Variants in PCDHGA10 observed in about 807,000 individuals in gnomAD.
PCDHGA10 encodes the protein protocadherin gamma subfamily A, 10, also known as protocadherin gamma-A10.
In PCDHGA10, 42 loss-of-function variants were observed where a neutral mutation model predicts 59.5. The ratio of observed to expected loss-of-function variants is 0.71; its 90% CI spans 0.55 to 0.91. The LOEUF (loss-of-function observed/expected upper bound fraction) is 0.91, where lower values mean the gene tolerates loss of function less well. PCDHGA10 is among the 40% of genes least tolerant of loss of function. The pLI is 0.00. For missense variants in PCDHGA10, 1,111 were observed against 1,198.2 expected, an observed-to-expected ratio of 0.93 and a Z score of 1.07; for synonymous variants, 511 against 517.2, an observed-to-expected ratio of 0.99 and a Z score of 0.16.
At chr5:141,473,205 A>G (rs370808895) in intron 1 of PCDHGA10, among the ~76,000 whole-genome samples, 1 of 152,036 alleles carries the variant, frequency 6.6e-6, no homozygotes, top group African/African-American at 2.4e-5. Flanking sequence ...CTTCTAAAAA[A>G]TGCTTACTTC....
At position 141,414,657 on chromosome 5, in the gene PCDHGA10, C is replaced by T. The variant is rs1313928067; in HGVS notation, c.1482C>T (p.Ser494=). Residue 494 remains serine, a synonymous_variant, in exon 1 of 4, where the codon TCC becomes TCT. Transcript: ENST00000398610. ...AAGAGAATGCCCAGATTATTTACTCCCTGGCTGAAGACACCATCCAGGGGG... is the reference window on the plus strand; with the variant it reads ...AAGAGAATGCCCAGATTATTTACTCTCTGGCTGAAGACACCATCCAGGGGG... ...DSKENAQIIY[S]LAEDTIQGVP... 6.2e-7 allele frequency: 1 copy of T among 1,614,004 alleles called. No homozygotes were observed. Among genetic ancestry groups the T allele is most frequent in the Admixed American group, 1.7e-5 (1 of 60,034 alleles).
In PCDHGA10 at chr5:141,476,299, C is replaced by T; in HGVS notation, c.2437-18508C>T. ...ACCTTGGTTTGGATCTCGGTAGCCT[C>T]TCAGCCCGCAGGTTCCGGGTGGTGT... On this transcript the variant is annotated intron_variant, in intron 1 of 3. Transcript: ENST00000398610. The surrounding 1 kb of genome is among the most constrained non-coding windows in gnomAD (Gnocchi z 7.6). The T allele has an allele frequency of 6.2e-7, 1 of 1,614,100 alleles. No individual in the cohort carries two copies. The highest frequency in any genetic ancestry group is 1.1e-5 in the South Asian group (1 of 91,074).
chr5:141,468,093 G>C (rs1319825848), intron 1 of PCDHGA10, among the ~76,000 whole-genome samples: 2 of 152,112 alleles, frequency 1.3e-5, no homozygotes, highest in Non-Finnish European at 2.9e-5. Flanking sequence ...GGGAGGTTGA[G>C]GCAGGCAGAT....
At chr5:141,462,071 C>T (rs1473972601) in intron 1 of PCDHGA10, among the ~76,000 whole-genome samples, 1 of 152,214 alleles carries the variant, frequency 6.6e-6, no homozygotes, top group African/African-American at 2.4e-5. Context: ...GATCTGCCCG[C>T]CTTGGCCTCC....
chr5:141,421,795 GC>G, intron 1 of PCDHGA10: 1 of 1,613,818 alleles, frequency 6.2e-7, no homozygotes, highest in East Asian at 2.2e-5. Context: ...AACGGATGGG[GC>G]CAAGAATCCA....
rs138149681 is a variant in PCDHGA10, at chr5:141,486,735, G to A, written c.2437-8072G>A. Reference sequence around the variant, plus strand: ...CAGACAGGAGCTGTTCATGCTACTCGATCCTTTGACTATGAGCAAACCCAG... The same window carrying A: ...CAGACAGGAGCTGTTCATGCTACTCAATCCTTTGACTATGAGCAAACCCAG... On this transcript the variant is annotated intron_variant, in intron 1 of 3. Transcript: ENST00000398610. The surrounding 1 kb of genome is among the most constrained non-coding windows in gnomAD (Gnocchi z 5.0). 3.1e-4 allele frequency: 502 copies of A among 1,614,174 alleles called. 1 individual carries two copies. Among genetic ancestry groups the A allele is most frequent in the South Asian group, 1.8e-3 (161 of 91,086 alleles).
At chr5:141,427,897 C>T (rs866283444) in intron 1 of PCDHGA10, 1 of 1,571,008 alleles carries the variant, frequency 6.4e-7, no homozygotes. Context: ...CAGGGCTCGC[C>T]CGCGCTCAGC....
chr5:141,486,909 C>T lies in PCDHGA10; in HGVS notation c.2437-7898C>T, dbSNP rs759702188. ...CGGCCTGGTTCCTTATGTCCCCAAGCACTGCCTCCATCAGTTGGTGCTGGC... is the reference window on the plus strand; with the variant it reads ...CGGCCTGGTTCCTTATGTCCCCAAGTACTGCCTCCATCAGTTGGTGCTGGC... On this transcript the variant is annotated intron_variant, in intron 1 of 3. Transcript: ENST00000398610. This position sits in a 1 kb window ranked among gnomAD's most constrained non-coding sequence, Gnocchi z 5.0. 2 of 1,614,262 alleles carry T rather than the reference C, an allele frequency of 1.2e-6. No homozygotes were observed. Among genetic ancestry groups the T allele is most frequent in the Non-Finnish European group, 1.7e-6 (2 of 1,180,054 alleles).
chr5:141,432,463 C>A lies in PCDHGA10; in HGVS notation c.2436+16852C>A, dbSNP rs781407406. On this transcript the variant is annotated intron_variant, in intron 1 of 3. Transcript: ENST00000398610. The surrounding 1 kb of genome is among the most constrained non-coding windows in gnomAD (Gnocchi z 6.0). Reference sequence around the variant, plus strand: ...CCGAGATCCTGTACCCCGCCCTCCCCACGGACGGTTCCACTGGCGTGGAGC... The same window carrying A: ...CCGAGATCCTGTACCCCGCCCTCCCAACGGACGGTTCCACTGGCGTGGAGC... The A allele has an allele frequency of 5.6e-6, 9 of 1,614,120 alleles. No homozygotes were observed. In the Admixed American group the frequency reaches 1.3e-4, roughly 24 times the overall value.
intron 1 of PCDHGA10, among the ~76,000 whole-genome samples, chr5:141,481,692 G>A (rs1231630072): frequency 3.3e-5 from 5 of 152,020 alleles, no homozygotes; most frequent in East Asian, 1.9e-4. Context: ...GGTGGCTCAC[G>A]CCTGTAATCC....
At position 141,492,138 on chromosome 5, in the gene PCDHGA10, T is replaced by C. The variant is rs577884713; in HGVS notation, c.2437-2669T>C. ...ATTTCTCCCCAGCTCCCAGCATCTG[T>C]GACTTCACTGTTACCCTCCCTATCC... On this transcript the variant is annotated intron_variant, in intron 1 of 3. Coordinates refer to ENST00000398610, the MANE Select transcript of PCDHGA10 (RefSeq NM_018913.3). 2.4e-3 allele frequency among the ~76,000 whole-genome samples: 366 copies of C among 152,312 alleles called. 1 individual carries two copies. Among genetic ancestry groups the C allele is most frequent in the Non-Finnish European group, 3.5e-3 (238 of 68,014 alleles).
intron 3 of PCDHGA10, among the ~76,000 whole-genome samples, chr5:141,506,598 G>A (rs1056005258): frequency 6.6e-6 from 1 of 152,130 alleles, no homozygotes; most frequent in Non-Finnish European, 1.5e-5. Context: ...CAGTATTAAC[G>A]GATCTCATTG....
chr5:141,448,335 A>T (rs567377336), intron 1 of PCDHGA10, among the ~76,000 whole-genome samples: 1 of 152,108 alleles, frequency 6.6e-6, no homozygotes, highest in Non-Finnish European at 1.5e-5. Flanking sequence ...CTTTATAGCC[A>T]TGTACCTCAA....
chr5:141,443,826 G>C (rs955306823), intron 1 of PCDHGA10, among the ~76,000 whole-genome samples: 1 of 151,978 alleles, frequency 6.6e-6, no homozygotes, highest in African/African-American at 2.4e-5. Flanking sequence ...AACATAATTA[G>C]GTAAAATGGG....
chr5:141,427,810 G>T, intron 1 of PCDHGA10: 1 of 1,523,990 alleles, frequency 6.6e-7, no homozygotes, highest in Non-Finnish European at 9.0e-7. Flanking sequence ...AGCGCACAGA[G>T]CGGGGTGGTG....
In PCDHGA10 at chr5:141,413,567, A is replaced by G. The variant is rs950241336; in HGVS notation, c.392A>G (p.Asn131Ser). 1.2e-6 allele frequency: 2 copies of G among 1,613,936 alleles called. No individual in the cohort carries two copies. The highest frequency in any genetic ancestry group is 1.7e-5 in the Admixed American group (1 of 60,032). ...FGIEIEVTDINDNAPKFQAEN... is the reference protein window; with the variant it reads ...FGIEIEVTDISDNAPKFQAEN... Reference sequence around the variant, plus strand: ...ATAGAAATAGAAGTAACTGATATCAATGACAATGCTCCAAAATTCCAAGCA... The same window carrying G: ...ATAGAAATAGAAGTAACTGATATCAGTGACAATGCTCCAAAATTCCAAGCA... Residue 131 changes from asparagine to serine, a missense_variant, in exon 1 of 4, where the codon AAT becomes AGT. Transcript: ENST00000398610.
rs2099389707 is a variant in PCDHGA10, at chr5:141,476,358, G to A, written c.2437-18449G>A. On this transcript the variant is annotated intron_variant, in intron 1 of 3. Transcript: ENST00000398610. This position sits in a 1 kb window ranked among gnomAD's most constrained non-coding sequence, Gnocchi z 7.6. ...AGCCGAAGATTCTTTGAGGTGAACC[G>A]GGAGACCGGAGAGATGTTTGTGAAC... 6.2e-7 allele frequency: 1 copy of A among 1,614,134 alleles called. No individual in the cohort carries two copies. The highest frequency in any genetic ancestry group is 8.5e-7 in the Non-Finnish European group (1 of 1,180,022).
intron 1 of PCDHGA10, chr5:141,422,759 A>G (rs2096670710): frequency 6.2e-7 from 1 of 1,613,252 alleles, no homozygotes; most frequent in Non-Finnish European, 8.5e-7. Flanking sequence ...ATTAACTCCA[A>G]CACTGGTGTT....
chr5:141,424,519 A>T (rs1216899186), intron 1 of PCDHGA10: 1 of 152,222 alleles, frequency 6.6e-6, no homozygotes, highest in African/African-American at 2.4e-5. Context: ...TTAATGTAGT[A>T]AATCCATATA....
Sources: gnomAD v4.1 joint callset for allele counts (sites outside exome capture counted in the v4.1 genomes callset) on GRCh38, gnomAD v4.1.1 for gene constraint, Gnocchi (gnomAD v3.1) non-coding constraint, MANE v1.5 for transcripts, NCBI Gene and HGNC (gene_info 2026-07-23, HGNC 2026-07-21) for gene names.